PDE1C: variants seen among roughly 807,000 people sequenced by gnomAD.
PDE1C encodes dual specificity calcium/calmodulin-dependent 3',5'-cyclic nucleotide phosphodiesterase 1C.
In PDE1C, 62 loss-of-function variants were observed where a neutral mutation model predicts 93.1. The ratio of observed to expected loss-of-function variants is 0.67; its 90% CI spans 0.54 to 0.82. The LOEUF (loss-of-function observed/expected upper bound fraction) is 0.82, where lower values mean the gene tolerates loss of function less well. PDE1C is among the 40% of genes least tolerant of loss of function. The probability of loss-of-function intolerance (pLI) is 0.00; values close to 1 mark genes in which losing one functional copy is unlikely to be tolerated. For missense variants in PDE1C, 742 were observed against 884.6 expected (o/e 0.84, Z 2.04); for synonymous variants, 325 against 310.1 (o/e 1.05, Z -0.50).
At chr7:31,856,767 C>T (rs771304210) in intron 7 of PDE1C, among the ~76,000 whole-genome samples, 1 of 151,502 alleles carries the variant, frequency 6.6e-6, no homozygotes, top group African/African-American at 2.4e-5. Flanking sequence ...GAGCTGGGAC[C>T]GAATTCTGGC....
intron 2 of PDE1C, among the ~76,000 whole-genome samples, chr7:31,885,796 T>A (rs898045178): frequency 1.3e-5 from 2 of 152,230 alleles, no homozygotes; most frequent in African/African-American, 4.8e-5. Context: ...AAAACTGCCT[T>A]ATACTGGACT....
chr7:32,055,192 T>G (rs1343525912), intron 1 of PDE1C, among the ~76,000 whole-genome samples: 1 of 152,202 alleles, frequency 6.6e-6, no homozygotes, highest in African/African-American at 2.4e-5. Context: ...AATGCTTTCT[T>G]TTTATTCTTT....
chr7:32,208,617 A>C (rs1805782517), intron 2 of PDE1C, among the ~76,000 whole-genome samples: 1 of 152,174 alleles, frequency 6.6e-6, no homozygotes, highest in African/African-American at 2.4e-5. Flanking sequence ...GGCAGTGATA[A>C]ATCCGTTTCT....
At chr7:32,254,592 A>T (rs1317551684) in intron 1 of PDE1C, among the ~76,000 whole-genome samples, 1 of 152,242 alleles carries the variant, frequency 6.6e-6, no homozygotes, top group Non-Finnish European at 1.5e-5. Flanking sequence ...GCAAGAGATT[A>T]TAACATTTTC....
intron 1 of PDE1C, among the ~76,000 whole-genome samples, chr7:32,417,606 A>G (rs1303374655): frequency 2.0e-5 from 3 of 151,566 alleles, no homozygotes; most frequent in Non-Finnish European, 4.4e-5. Flanking sequence ...CCGTGTAACT[A>G]TAAGCAATAT....
At chr7:32,409,775 ATCT>A (rs1285657548) in intron 1 of PDE1C, among the ~76,000 whole-genome samples, 1 of 151,904 alleles carries the variant, frequency 6.6e-6, no homozygotes, top group Non-Finnish European at 1.5e-5. Flanking sequence ...TCACACATAT[ATCT>A]TCTTAACATA....
intron 17 of PDE1C, among the ~76,000 whole-genome samples, chr7:31,754,562 A>C (rs1224213415): frequency 6.6e-6 from 1 of 152,258 alleles, no homozygotes; most frequent in Non-Finnish European, 1.5e-5. Flanking sequence ...TGTGATAAAA[A>C]GCAAATTAAC....
At chr7:32,055,806 C>T (rs752147795) in intron 1 of PDE1C, among the ~76,000 whole-genome samples, 5 of 152,290 alleles carry the variant, frequency 3.3e-5, no homozygotes, top group African/African-American at 4.8e-5. Flanking sequence ...CTGCAACCTC[C>T]TCCTCCTGGG....
intron 8 of PDE1C, among the ~76,000 whole-genome samples, chr7:31,849,630 C>G (rs1475010645): frequency 1.3e-5 from 2 of 152,180 alleles, no homozygotes; most frequent in Non-Finnish European, 2.9e-5. Context: ...ACAAACCTAT[C>G]TAGAGTGTGC....
At chr7:32,366,785 G>A (rs116309867) in intron 1 of PDE1C, among the ~76,000 whole-genome samples, 2,968 of 152,076 alleles carry the variant, frequency 0.02, 93 homozygotes, top group African/African-American at 0.068. Context: ...TGAAAGAAAA[G>A]GCTGCCGGTC....
chr7:31,650,762 C>T, the PDE1C span, among the ~76,000 whole-genome samples: 1 of 152,114 alleles, frequency 6.6e-6, no homozygotes, highest in Admixed American at 6.5e-5. Context: ...GAGGCAGTAC[C>T]CAGCAACAAA....
At chr7:32,118,852 C>T (rs1799133376) in intron 3 of PDE1C, among the ~76,000 whole-genome samples, 1 of 152,162 alleles carries the variant, frequency 6.6e-6, no homozygotes, top group South Asian at 2.1e-4. Flanking sequence ...CAAACCACAG[C>T]ATACCTCTAA....
intron 15 of PDE1C, among the ~76,000 whole-genome samples, chr7:31,809,916 A>G (rs1379788869): frequency 1.3e-5 from 2 of 152,116 alleles, no homozygotes; most frequent in Non-Finnish European, 2.9e-5. Context: ...AGTAGCATTC[A>G]GCAAATTAAG....
At chr7:31,875,820 T>TATATATATATATAC (rs1283559572) in intron 5 of PDE1C, among the ~76,000 whole-genome samples, 29 of 87,176 alleles carry the variant, frequency 3.3e-4, no homozygotes, top group African/African-American at 9.9e-4. Flanking sequence ...TATATATATA[T>TATATATATATATAC]ATATATATAT....
chr7:31,777,448 C>T (rs945062199), intron 16 of PDE1C, among the ~76,000 whole-genome samples: 2 of 152,158 alleles, frequency 1.3e-5, no homozygotes, highest in Non-Finnish European at 2.9e-5. Flanking sequence ...CCTGCCTCAG[C>T]CTCCTGAGTA....
chr7:31,643,581 C>T, the PDE1C span: 6 of 1,613,908 alleles, frequency 3.7e-6, no homozygotes, highest in Admixed American at 6.7e-5. Flanking sequence ...CTTTAGAATG[C>T]ACTGTGTGTG....
chr7:32,163,892 A>T (rs2128800046), intron 3 of PDE1C, among the ~76,000 whole-genome samples: 1 of 152,294 alleles, frequency 6.6e-6, no homozygotes, highest in East Asian at 1.9e-4. Flanking sequence ...ACAGGGTTTT[A>T]AAAACTGAAG....
the PDE1C span, chr7:31,708,210 G>A: frequency 6.6e-6 from 1 of 152,222 alleles, no homozygotes; most frequent in African/African-American, 2.4e-5. Context: ...CCTTGCCCCA[G>A]CCTGCAATCT....
intron 1 of PDE1C, among the ~76,000 whole-genome samples, chr7:32,270,338 T>A (rs1810877565): frequency 6.6e-6 from 1 of 151,606 alleles, no homozygotes; most frequent in Admixed American, 6.6e-5. Flanking sequence ...CTGGGTGATA[T>A]AAAAGGAAAA....
Sources: gnomAD v4.1 joint callset for allele counts (sites outside exome capture counted in the v4.1 genomes callset) on GRCh38, gnomAD v4.1.1 for gene constraint, MANE v1.5 for transcripts, NCBI Gene and HGNC (gene_info 2026-07-23, HGNC 2026-07-21) for gene names.